The following MIR2052HG variants were observed in gnomAD, a reference collection of about 807,000 sequenced individuals.
The protein encoded by MIR2052HG is MIR2052 host gene.
intron 1 of MIR2052HG, chr8:74,604,277 G>C (rs1480096169): frequency 1.4e-5 from 11 of 797,402 alleles, no homozygotes; most frequent in Middle Eastern, 3.1e-4. Context: ...TGGACTTTGA[G>C]TGGTCAAGTC....
At chr8:74,719,624 C>T (rs1267191008) in intron 4 of MIR2052HG, among the ~76,000 whole-genome samples, 4 of 151,154 alleles carry the variant, frequency 2.6e-5, no homozygotes, top group Non-Finnish European at 4.4e-5. Context: ...TTATTTGGCT[C>T]TAGGCGCCCT....
At chr8:74,713,781 T>A (rs911786107) in intron 4 of MIR2052HG, among the ~76,000 whole-genome samples, 2 of 152,136 alleles carry the variant, frequency 1.3e-5, no homozygotes, top group Non-Finnish European at 2.9e-5. Context: ...TCTAACTTAC[T>A]CATTAACAAA....
At chr8:74,620,841 T>A (rs550848283) in intron 2 of MIR2052HG, among the ~76,000 whole-genome samples, 1 of 152,352 alleles carries the variant, frequency 6.6e-6, no homozygotes, top group East Asian at 1.9e-4. Context: ...CAAATTTCTG[T>A]GGCAGGCTGG....
intron 2 of MIR2052HG, among the ~76,000 whole-genome samples, chr8:74,671,711 T>C (rs999779016): frequency 1.3e-5 from 2 of 152,164 alleles, no homozygotes; most frequent in African/African-American, 4.8e-5. Context: ...GGTTGAGGTT[T>C]AGTTAATCAT....
At chr8:74,701,633 C>G (rs750831114) in intron 2 of MIR2052HG, among the ~76,000 whole-genome samples, 1 of 152,016 alleles carries the variant, frequency 6.6e-6, no homozygotes, top group Non-Finnish European at 1.5e-5. Context: ...ATTTTCTGAG[C>G]CATTCTTTTC....
chr8:74,679,187 C>T (rs1451122523), intron 2 of MIR2052HG, among the ~76,000 whole-genome samples: 1 of 152,026 alleles, frequency 6.6e-6, no homozygotes, highest in Non-Finnish European at 1.5e-5. Flanking sequence ...TTTTTGTGCA[C>T]CTGTCCCCTG....
intron 2 of MIR2052HG, among the ~76,000 whole-genome samples, chr8:74,668,451 A>G (rs1808955928): frequency 6.6e-6 from 1 of 152,176 alleles, no homozygotes. Context: ...TTTTGTCTTT[A>G]GTTACAGAAG....
chr8:74,647,697 C>A (rs1808704237), intron 2 of MIR2052HG, among the ~76,000 whole-genome samples: 1 of 152,138 alleles, frequency 6.6e-6, no homozygotes, highest in Non-Finnish European at 1.5e-5. Flanking sequence ...GTCAGGGACC[C>A]AGAATGGAGG....
At chr8:74,708,688 A>G (rs1165577187) in intron 4 of MIR2052HG, among the ~76,000 whole-genome samples, 1 of 152,066 alleles carries the variant, frequency 6.6e-6, no homozygotes, top group East Asian at 1.9e-4. Flanking sequence ...TATAATGTAT[A>G]AATTACACAG....
intron 2 of MIR2052HG, among the ~76,000 whole-genome samples, chr8:74,693,614 G>C (rs1007223427): frequency 6.6e-6 from 1 of 150,734 alleles, no homozygotes; most frequent in Non-Finnish European, 1.5e-5. Context: ...CGGGGGCGGG[G>C]GGGGAGGGGT....
intron 2 of MIR2052HG, among the ~76,000 whole-genome samples, chr8:74,695,762 C>G (rs1809289541): frequency 6.6e-6 from 1 of 152,014 alleles, no homozygotes; most frequent in Non-Finnish European, 1.5e-5. Flanking sequence ...ACTAGTCTAA[C>G]AGGAAAATAT....
intron 2 of MIR2052HG, among the ~76,000 whole-genome samples, chr8:74,617,945 C>T (rs1448645013): frequency 6.6e-6 from 1 of 152,148 alleles, no homozygotes; most frequent in Non-Finnish European, 1.5e-5. Flanking sequence ...TTGTATTTCT[C>T]TGATGATTAG....
chr8:74,668,957 G>A (rs959266525), intron 2 of MIR2052HG, among the ~76,000 whole-genome samples: 5 of 152,066 alleles, frequency 3.3e-5, no homozygotes, highest in African/African-American at 1.2e-4. Flanking sequence ...CACAGCTCTT[G>A]ATCTGAGAGC....
chr8:74,667,219 T>A (rs1808939268), intron 2 of MIR2052HG, among the ~76,000 whole-genome samples: 1 of 152,162 alleles, frequency 6.6e-6, no homozygotes, highest in Non-Finnish European at 1.5e-5. Flanking sequence ...AAGGGTGGGC[T>A]TATCTGAGGC....
chr8:74,630,528 G>A (rs1452473136), intron 2 of MIR2052HG, among the ~76,000 whole-genome samples: 33 of 126,042 alleles, frequency 2.6e-4, no homozygotes, highest in East Asian at 6.9e-4. Context: ...AGATTTCTCT[G>A]AAAAAAAAAA....
chr8:74,600,181 C>G lies in MIR2052HG; in HGVS notation n.128+273C>G, dbSNP rs548311114. On this transcript the variant is annotated intron_variant and non_coding_transcript_variant, in intron 1 of 6. Transcript: ENST00000523442. ...CCTCAGTTGGAAATGCAGAAATCAC[C>G]CTTCTTCTGCGTCACTCACGCTGGG... Among the ~76,000 whole-genome samples the G allele has an allele frequency of 2.5e-3, 386 of 152,256 alleles. 1 individual carries two copies. Among genetic ancestry groups the G allele is most frequent in the Non-Finnish European group, 3.4e-3 (233 of 68,002 alleles).
At chr8:74,709,299 C>G (rs1182731896) in intron 4 of MIR2052HG, among the ~76,000 whole-genome samples, 1 of 152,068 alleles carries the variant, frequency 6.6e-6, no homozygotes, top group Non-Finnish European at 1.5e-5. Flanking sequence ...ATGTGTTGAG[C>G]ATCAGGAAGT....
intron 2 of MIR2052HG, among the ~76,000 whole-genome samples, chr8:74,679,553 A>G (rs965482959): frequency 1.6e-5 from 2 of 122,696 alleles, no homozygotes; most frequent in Non-Finnish European, 3.6e-5. Context: ...TATTATTATT[A>G]TTATTATTAT....
At chr8:74,727,025 T>G (rs1445939949) in intron 4 of MIR2052HG, among the ~76,000 whole-genome samples, 1 of 152,192 alleles carries the variant, frequency 6.6e-6, no homozygotes, top group Non-Finnish European at 1.5e-5. Context: ...AAAAATCCCG[T>G]CTGTACAGAC....
Sources: allele counts gnomAD v4.1 joint callset (sites outside exome capture counted in the v4.1 genomes callset), GRCh38; gene constraint gnomAD v4.1.1; transcripts MANE v1.5; gene names NCBI Gene and HGNC (gene_info 2026-07-23, HGNC 2026-07-21).